PPFIA2: variants seen among roughly 807,000 people sequenced by gnomAD.
The protein encoded by PPFIA2 is liprin-alpha-2.
In PPFIA2, 46 loss-of-function variants were observed where a neutral mutation model predicts 175.5. The ratio of observed to expected loss-of-function variants is 0.26; its 90% CI spans 0.21 to 0.34. PPFIA2 has a LOEUF of 0.34. Ranked by LOEUF, PPFIA2 falls within the 10% of genes least tolerant of loss-of-function variation. The pLI is 1.00. For synonymous variants in PPFIA2, 568 were observed against 511.4 expected (o/e 1.11, Z -1.49); for missense variants, 1,179 against 1,506.1 (o/e 0.78, Z 3.60).
chr12:81,407,822 A>G (rs1178524332), intron 7 of PPFIA2, among the ~76,000 whole-genome samples: 1 of 152,314 alleles, frequency 6.6e-6, no homozygotes, highest in Admixed American at 6.5e-5. Context: ...ACTTTGTACA[A>G]TATATCCCTA....
At chr12:81,735,715 G>A (rs1165824468) in intron 3 of PPFIA2, among the ~76,000 whole-genome samples, 3 of 151,504 alleles carry the variant, frequency 2.0e-5, no homozygotes, top group Admixed American at 6.6e-5. Context: ...GTATCGTTTT[G>A]CTCTTACATA....
At chr12:81,508,886 T>C (rs1162088018) in intron 4 of PPFIA2, among the ~76,000 whole-genome samples, 1 of 151,678 alleles carries the variant, frequency 6.6e-6, no homozygotes, top group African/African-American at 2.4e-5. Context: ...GTTCTTGCGA[T>C]AGTTTACACA....
intron 4 of PPFIA2, among the ~76,000 whole-genome samples, chr12:81,568,645 G>A (rs532304824): frequency 3.4e-4 from 52 of 152,242 alleles, no homozygotes; most frequent in African/African-American, 1.3e-3. Flanking sequence ...GGGGATACAA[G>A]GGAGTGTCTT....
At chr12:81,452,500 T>C (rs1256442477) in intron 5 of PPFIA2, among the ~76,000 whole-genome samples, 1 of 152,234 alleles carries the variant, frequency 6.6e-6, no homozygotes, top group African/African-American at 2.4e-5. Flanking sequence ...TGTTTGATTA[T>C]GAAATTGAAA....
At chr12:81,739,607 A>G (rs1186252551) in intron 3 of PPFIA2, among the ~76,000 whole-genome samples, 2 of 152,060 alleles carry the variant, frequency 1.3e-5, no homozygotes, top group Admixed American at 1.3e-4. Context: ...TTAATCTATT[A>G]TCGATCAGCA....
intron 24 of PPFIA2, among the ~76,000 whole-genome samples, chr12:81,293,851 C>CGG (rs2045697517): frequency 6.6e-6 from 1 of 152,108 alleles, no homozygotes; most frequent in Non-Finnish European, 1.5e-5. Flanking sequence ...ATGTCTTTAT[C>CGG]ACAACATTAA....
chr12:81,600,124 G>A (rs189256528), intron 4 of PPFIA2, among the ~76,000 whole-genome samples: 26 of 151,930 alleles, frequency 1.7e-4, no homozygotes, highest in Middle Eastern at 6.8e-3. Flanking sequence ...AAGAAATGGC[G>A]GAAATTAAGC....
At chr12:81,336,434 G>T (rs138925889) in intron 21 of PPFIA2, among the ~76,000 whole-genome samples, 1 of 152,140 alleles carries the variant, frequency 6.6e-6, no homozygotes, top group African/African-American at 2.4e-5. Flanking sequence ...CAATCACATC[G>T]ACTGATCCTT....
At chr12:81,374,068 C>T (rs1422490104) in intron 11 of PPFIA2, among the ~76,000 whole-genome samples, 1 of 151,988 alleles carries the variant, frequency 6.6e-6, no homozygotes, top group East Asian at 1.9e-4. Context: ...GTTGCAGAAT[C>T]TACTGGCCAT....
intron 3 of PPFIA2, among the ~76,000 whole-genome samples, chr12:81,705,750 A>G (rs919581106): frequency 6.6e-6 from 1 of 152,202 alleles, no homozygotes; most frequent in Non-Finnish European, 1.5e-5. Context: ...TTTTGTCATG[A>G]TGCATGACTG....
intron 4 of PPFIA2, among the ~76,000 whole-genome samples, chr12:81,524,620 C>A (rs1359329207): frequency 1.3e-5 from 2 of 152,114 alleles, no homozygotes; most frequent in Non-Finnish European, 2.9e-5. Context: ...TATCTTGAGT[C>A]TCATCCATAT....
At chr12:81,264,717 TATC>T (rs1226554760) in intron 30 of PPFIA2, among the ~76,000 whole-genome samples, 1 of 152,174 alleles carries the variant, frequency 6.6e-6, no homozygotes, top group Non-Finnish European at 1.5e-5. Context: ...TTTCAATCCT[TATC>T]ATCATTAAAA....
At chr12:81,538,408 G>A (rs550467096) in intron 4 of PPFIA2, among the ~76,000 whole-genome samples, 2 of 151,874 alleles carry the variant, frequency 1.3e-5, no homozygotes, top group South Asian at 2.1e-4. Context: ...TGGAGTTTAG[G>A]TTCTAGTGCA....
chr12:81,737,130 A>C (rs1159666876), intron 3 of PPFIA2, among the ~76,000 whole-genome samples: 1 of 152,102 alleles, frequency 6.6e-6, no homozygotes, highest in Non-Finnish European at 1.5e-5. Flanking sequence ...GCAAAAAAAA[A>C]CAGTGAAGAT....
At chr12:81,413,679 G>A (rs1233386434) in intron 7 of PPFIA2, among the ~76,000 whole-genome samples, 1 of 151,760 alleles carries the variant, frequency 6.6e-6, no homozygotes, top group Admixed American at 6.6e-5. Flanking sequence ...CAAGTATACT[G>A]CAGCTTAGGT....
At position 81,347,595 on chromosome 12, in the gene PPFIA2, T is replaced by G; in HGVS notation, c.2170A>C (p.Thr724Pro). ...ASSSPPSGHSTPKLTPRSPAR... is the reference protein window; with the variant it reads ...ASSSPPSGHSPPKLTPRSPAR... ...GGGCTTCGAGGGGTGAGCTTTGGAG[T>G]TGAGTGTCCACTGGGGGGAGATGAA... The change falls in exon 18 of 33, where the codon ACT becomes CCT. Residue 724 changes from threonine (T) to proline (P), a missense_variant. Thr to Pro is a conservative substitution (Grantham distance 38). Around this residue, in one of 10 missense-constraint regions of PPFIA2, gnomAD observed 223 missense variants for 241.6 expected, o/e 0.92. Transcript: ENST00000549396. 3.7e-6 allele frequency: 6 copies of G among 1,613,690 alleles called. No individual in the cohort carries two copies. The highest frequency in any genetic ancestry group is 5.1e-6 in the Non-Finnish European group (6 of 1,179,752).
At chr12:81,380,744 A>G (rs2037454953) in intron 9 of PPFIA2, among the ~76,000 whole-genome samples, 1 of 152,170 alleles carries the variant, frequency 6.6e-6, no homozygotes, top group Non-Finnish European at 1.5e-5. Context: ...TTGGCAAGTT[A>G]CTTTACCTCA....
Position 81,480,126 on chromosome 12 carries a change from T to C in PPFIA2, c.304-22260A>G, listed in dbSNP as rs146101136. Among the ~76,000 whole-genome samples, 197 of 152,300 alleles carry C rather than the reference T, an allele frequency of 1.3e-3. 2 individuals carry two copies. Among genetic ancestry groups the C allele is most frequent in the African/African-American group, 4.6e-3 (190 of 41,572 alleles). Reference sequence around the variant, plus strand: ...TGTTGCTTTTCTTTCTTTTTTTCTCTAATCTTGTCTTCACACTTTATTTCA... The same window carrying C: ...TGTTGCTTTTCTTTCTTTTTTTCTCCAATCTTGTCTTCACACTTTATTTCA... On this transcript the variant is annotated intron_variant, in intron 4 of 32. Transcript: ENST00000549396.
At chr12:81,371,650 T>C (rs902787219) in intron 11 of PPFIA2, among the ~76,000 whole-genome samples, 41 of 151,912 alleles carry the variant, frequency 2.7e-4, no homozygotes, top group African/African-American at 9.9e-4. Context: ...ATTCCTATTA[T>C]TGCTGATACA....
Sources: gnomAD v4.1 joint callset for allele counts (sites outside exome capture counted in the v4.1 genomes callset) on GRCh38, gnomAD v4.1.1 for gene constraint, gnomAD v4.1.1 regional missense constraint, MANE v1.5 for transcripts, NCBI Gene and HGNC (gene_info 2026-07-23, HGNC 2026-07-21) for gene names.